Variants in ANKRD17 observed in about 807,000 individuals in gnomAD.
The protein encoded by ANKRD17 is ankyrin repeat domain-containing protein 17.
ANKRD17 carries 19 observed loss-of-function variants against 229.7 expected under a neutral mutation model. That is an observed-to-expected ratio of 0.08 (90% confidence interval 0.06 to 0.12). The LOEUF (loss-of-function observed/expected upper bound fraction) is 0.12. Among genes scored for constraint, ANKRD17 ranks in the 10% least tolerant of loss-of-function variants. ANKRD17 has a pLI of 1.00. For missense variants in ANKRD17, 2,176 were observed against 3,176.8 expected (o/e 0.68, Z 7.57); for synonymous variants, 1,112 against 1,146.1 (o/e 0.97, Z 0.60).
At chr4:73,223,145 G>A in intron 1 of ANKRD17, 1 of 1,129,654 alleles carries the variant, frequency 8.9e-7, no homozygotes, top group Admixed American at 2.3e-5. Context: ...GCCTAAAGCA[G>A]CTTAGCTGTT....
chr4:73,112,405 G>A (rs1725429118), intron 24 of ANKRD17, among the ~76,000 whole-genome samples: 1 of 152,104 alleles, frequency 6.6e-6, no homozygotes, highest in South Asian at 2.1e-4. Context: ...GTTAGGTAGT[G>A]AATATAAAAA....
At chr4:73,251,716 T>C (rs1745047710) in intron 1 of ANKRD17, among the ~76,000 whole-genome samples, 2 of 152,164 alleles carry the variant, frequency 1.3e-5, no homozygotes, top group Non-Finnish European at 2.9e-5. Context: ...AAGGTCCTCA[T>C]TAAATCCACA....
chr4:73,180,697 A>G (rs1466878822), intron 1 of ANKRD17, among the ~76,000 whole-genome samples: 1 of 152,196 alleles, frequency 6.6e-6, no homozygotes, highest in Non-Finnish European at 1.5e-5. Flanking sequence ...ACAGGAATGA[A>G]TATTTATTAT....
At chr4:73,102,824 G>C (rs903125944) in intron 24 of ANKRD17, 3 of 305,596 alleles carry the variant, frequency 9.8e-6, no homozygotes, top group Non-Finnish European at 1.8e-5. Flanking sequence ...AAGTTGAACC[G>C]ACAAAATACC....
intron 15 of ANKRD17, 113 bp from the exon 16 acceptor site, chr4:73,135,378 A>G: frequency 9.7e-7 from 1 of 1,033,306 alleles, no homozygotes; most frequent in Non-Finnish European, 1.4e-6. Context: ...CTACAGGAAG[A>G]CTACTATAGC....
chr4:73,145,883 T>C (rs1033638872), intron 10 of ANKRD17, among the ~76,000 whole-genome samples: 6 of 152,152 alleles, frequency 3.9e-5, no homozygotes, highest in Non-Finnish European at 8.8e-5. Flanking sequence ...ATTAAGTTTA[T>C]AAAATTAATT....
intron 2 of ANKRD17, among the ~76,000 whole-genome samples, chr4:73,165,731 G>T (rs1733146091): frequency 6.6e-6 from 1 of 152,196 alleles, no homozygotes; most frequent in South Asian, 2.1e-4. Context: ...TCTTTGGCTG[G>T]TTGGAGATAA....
chr4:73,151,549 C>A, intron 6 of ANKRD17, 25 bp from the exon 7 acceptor site: 1 of 1,432,008 alleles, frequency 7.0e-7, no homozygotes, highest in South Asian at 1.6e-5. Context: ...TACAAGATTA[C>A]TTGAAAATAT....
At chr4:73,125,094 A>C (rs1727258907) in intron 17 of ANKRD17, 36 bp from the exon 18 acceptor site, 2 of 1,608,870 alleles carry the variant, frequency 1.2e-6, no homozygotes. Context: ...CTACATGCTA[A>C]GGCAAAAGAA....
intron 1 of ANKRD17, among the ~76,000 whole-genome samples, chr4:73,240,795 C>T (rs1463493075): frequency 6.7e-6 from 1 of 150,160 alleles, no homozygotes; most frequent in Non-Finnish European, 1.5e-5. Context: ...TATATAAATT[C>T]AGTACTTATT....
At chr4:73,200,839 T>C (rs1363647702) in intron 1 of ANKRD17, among the ~76,000 whole-genome samples, 1 of 152,052 alleles carries the variant, frequency 6.6e-6, no homozygotes, top group Non-Finnish European at 1.5e-5. Flanking sequence ...TGTACTCTTG[T>C]AATCAGTCAT....
chr4:73,169,656 G>A (rs1394713642), intron 2 of ANKRD17, among the ~76,000 whole-genome samples: 3 of 152,086 alleles, frequency 2.0e-5, no homozygotes, highest in African/African-American at 7.2e-5. Context: ...TCGCATTGCT[G>A]AAATAGGCAT....
intron 24 of ANKRD17, among the ~76,000 whole-genome samples, chr4:73,103,387 C>A (rs1724231470): frequency 6.6e-6 from 1 of 152,036 alleles, no homozygotes; most frequent in South Asian, 2.1e-4. Context: ...TGGTGACTTT[C>A]AATTTTACTT....
chr4:73,087,420 A>C (rs1673851287), intron 29 of ANKRD17, among the ~76,000 whole-genome samples: 1 of 152,172 alleles, frequency 6.6e-6, no homozygotes, highest in African/African-American at 2.4e-5. Context: ...TGAGGTTCAA[A>C]ACATCACCTA....
chr4:73,236,943 CT>C (rs953354862), intron 1 of ANKRD17, among the ~76,000 whole-genome samples: 17 of 152,114 alleles, frequency 1.1e-4, no homozygotes. Context: ...CCATATCATG[CT>C]TTTTTCCTGG....
At chr4:73,124,838 A>C in intron 18 of ANKRD17, 75 bp downstream of exon 18, 2 of 1,531,186 alleles carry the variant, frequency 1.3e-6, no homozygotes, top group Non-Finnish European at 1.8e-6. Flanking sequence ...GTTCTGATAG[A>C]AAAAATAATA....
intron 25 of ANKRD17, chr4:73,098,902 C>A: frequency 2.6e-6 from 3 of 1,157,448 alleles, no homozygotes; most frequent in Non-Finnish European, 3.9e-6. Context: ...GGGGCCGGGG[C>A]AGGCCCCGCA....
At chr4:73,216,919 T>G (rs1741133484) in intron 1 of ANKRD17, among the ~76,000 whole-genome samples, 1 of 152,190 alleles carries the variant, frequency 6.6e-6, no homozygotes, top group Admixed American at 6.5e-5. Flanking sequence ...AGCCATTGGT[T>G]TGGCAAATTT....
chr4:73,213,097 T>C (rs1028321326), intron 1 of ANKRD17, among the ~76,000 whole-genome samples: 3 of 150,960 alleles, frequency 2.0e-5, no homozygotes, highest in Admixed American at 6.6e-5. Context: ...TCAAATAATA[T>C]ATAATTCAAA....
Sources: gnomAD v4.1 joint callset for allele counts (sites outside exome capture counted in the v4.1 genomes callset) on GRCh38, gnomAD v4.1.1 for gene constraint, MANE v1.5 for transcripts, NCBI Gene and HGNC (gene_info 2026-07-23, HGNC 2026-07-21) for gene names.